The following DCLK1 variants were observed in gnomAD, a reference collection of about 807,000 sequenced individuals.
The protein encoded by DCLK1 is doublecortin like kinase 1.
In DCLK1, 16 loss-of-function variants were observed where a neutral mutation model predicts 86.2. The ratio of observed to expected loss-of-function variants is 0.19; its 90% CI spans 0.13 to 0.28. The LOEUF is 0.28. Ranked by LOEUF, DCLK1 falls within the 10% of genes least tolerant of loss-of-function variation. The pLI, the probability that DCLK1 is intolerant of heterozygous loss-of-function variation, is 1.00. For synonymous variants in DCLK1, 369 were observed against 370.5 expected, an observed-to-expected ratio of 1.00 and a Z score of 0.05; for missense variants, 590 against 940.2, an observed-to-expected ratio of 0.63 and a Z score of 4.87.
At chr13:35,944,764 T>C (rs1877272124) in intron 4 of DCLK1, among the ~76,000 whole-genome samples, 1 of 152,094 alleles carries the variant, frequency 6.6e-6, no homozygotes, top group African/African-American at 2.4e-5. Context: ...CTCAGCTAAG[T>C]AGTTTGAAGT....
At chr13:36,042,946 C>A (rs574852579) in intron 3 of DCLK1, among the ~76,000 whole-genome samples, 1 of 152,318 alleles carries the variant, frequency 6.6e-6, no homozygotes, top group Non-Finnish European at 1.5e-5. Context: ...CTTTCTTCTA[C>A]ATAAGCATAT....
chr13:35,921,476 T>C (rs1282445884), intron 4 of DCLK1, among the ~76,000 whole-genome samples: 1 of 152,134 alleles, frequency 6.6e-6, no homozygotes, highest in Non-Finnish European at 1.5e-5. Flanking sequence ...GAGAAGACTT[T>C]CCTAAAACCC....
chr13:35,769,507 A>G lies in DCLK1; in HGVS notation c.*5028T>C, dbSNP rs1281387789. The G allele has an allele frequency of 6.6e-6, 1 of 152,178 alleles. No homozygotes were observed. Among genetic ancestry groups the G allele is most frequent in the African/African-American group, 2.4e-5 (1 of 41,452 alleles). 9.4% of individuals were successfully genotyped at this position (152,178 alleles called of 1,614,324 possible). A position where few individuals can be genotyped will look rare whatever the true frequency, so the allele number is the denominator to read the frequency against. On this transcript the variant is annotated 3_prime_UTR_variant, in exon 17 of 17. Transcript: ENST00000360631. ...GAGGATATGACTATAACCTTGGACC[A>G]GTTTCAATTTCTTTTTATTTTTTCT...
intron 7 of DCLK1, among the ~76,000 whole-genome samples, chr13:35,837,921 C>T (rs1012516274): frequency 2.0e-5 from 3 of 151,878 alleles, no homozygotes; most frequent in Admixed American, 6.6e-5. Flanking sequence ...CAAAAATTAG[C>T]TGGGCATGGT....
rs568496774 is a variant in DCLK1, at chr13:36,110,932, G to T, written c.723+937C>A. On this transcript the variant is annotated intron_variant, in intron 3 of 16. Transcript: ENST00000360631. ...TGCAAGCTCCGCCTCCCGGGTTCACGCCATTCTCCTGCCTCAGCCCCCTGA... is the reference window on the plus strand; with the variant it reads ...TGCAAGCTCCGCCTCCCGGGTTCACTCCATTCTCCTGCCTCAGCCCCCTGA... 4.7e-5 allele frequency among the ~76,000 whole-genome samples: 7 copies of T among 148,332 alleles called. No homozygotes were observed. The East Asian group carries it at 1.2e-3, about 26-fold the overall frequency.
intron 3 of DCLK1, among the ~76,000 whole-genome samples, chr13:36,079,475 C>T (rs1884336766): frequency 1.3e-5 from 2 of 151,672 alleles, no homozygotes; most frequent in South Asian, 2.1e-4. Context: ...ATTTAAAATA[C>T]AAAAAAATTA....
intron 15 of DCLK1, among the ~76,000 whole-genome samples, chr13:35,796,858 C>T (rs963497735): frequency 6.6e-6 from 1 of 152,098 alleles, no homozygotes; most frequent in African/African-American, 2.4e-5. Flanking sequence ...AGTGGTGAGG[C>T]GGAAGGAGAA....
At chr13:35,798,673 C>T (rs923613929) in intron 15 of DCLK1, among the ~76,000 whole-genome samples, 1 of 152,134 alleles carries the variant, frequency 6.6e-6, no homozygotes, top group African/African-American at 2.4e-5. Flanking sequence ...AGAGCAAGGA[C>T]AGGATAAAAT....
At chr13:36,041,714 G>A (rs1882707214) in intron 3 of DCLK1, among the ~76,000 whole-genome samples, 1 of 152,114 alleles carries the variant, frequency 6.6e-6, no homozygotes, top group Non-Finnish European at 1.5e-5. Context: ...TTCCATGGCT[G>A]TGGAGTTTAT....
intron 4 of DCLK1, among the ~76,000 whole-genome samples, chr13:35,899,433 C>G (rs906140239): frequency 4.6e-5 from 7 of 150,928 alleles, no homozygotes; most frequent in African/African-American, 1.7e-4. Flanking sequence ...TTGTACTATA[C>G]AAGGGAGGCT....
intron 7 of DCLK1, among the ~76,000 whole-genome samples, chr13:35,838,362 C>T (rs1251271650): frequency 2.0e-5 from 3 of 152,162 alleles, no homozygotes; most frequent in Admixed American, 6.5e-5. Flanking sequence ...AAGCAGATTC[C>T]TTAACAGTGG....
chr13:35,917,995 G>C (rs1196391342), intron 4 of DCLK1, among the ~76,000 whole-genome samples: 1 of 152,106 alleles, frequency 6.6e-6, no homozygotes, highest in East Asian at 1.9e-4. Context: ...AACAAATAGA[G>C]ACCATGTCCA....
rs993499856 is a variant in DCLK1, at chr13:35,774,757, A to G, written c.2059-58T>C. Reference sequence around the variant, plus strand: ...TTAGGGCGAGGGAAATGGCAAAACAAACTCTTTCTAGAACTTTCTGAGGTC... The same window carrying G: ...TTAGGGCGAGGGAAATGGCAAAACAGACTCTTTCTAGAACTTTCTGAGGTC... On this transcript the variant is annotated intron_variant, in intron 16 of 16. Coordinates refer to ENST00000360631, the MANE Select transcript of DCLK1 (RefSeq NM_001330071.2). 3.2e-6 allele frequency: 5 copies of G among 1,550,418 alleles called. No homozygotes were observed. The Admixed American group carries it at 7.5e-5, about 23-fold the overall frequency.
intron 3 of DCLK1, among the ~76,000 whole-genome samples, chr13:36,006,404 C>T (rs1048981850): frequency 5.9e-5 from 9 of 152,216 alleles, no homozygotes; most frequent in Admixed American, 2.0e-4. Flanking sequence ...GCCACATCTA[C>T]GTGTGAAACT....
intron 3 of DCLK1, among the ~76,000 whole-genome samples, chr13:36,043,895 CA>C (rs1228293425): frequency 2.0e-5 from 3 of 152,282 alleles, no homozygotes; most frequent in African/African-American, 7.2e-5. Flanking sequence ...AAATGAGATA[CA>C]TTCCCCAAAA....
chr13:35,847,243 T>C (rs1402069514), intron 6 of DCLK1: 3 of 985,288 alleles, frequency 3.0e-6, no homozygotes, highest in South Asian at 9.4e-5. Flanking sequence ...TTTGAACCAT[T>C]TGCCATACCA....
At chr13:35,881,927 A>G (rs1457666577) in intron 4 of DCLK1, among the ~76,000 whole-genome samples, 2 of 152,180 alleles carry the variant, frequency 1.3e-5, no homozygotes, top group Admixed American at 6.5e-5. Context: ...CTGGGCCTAC[A>G]CTCATTGGAT....
chr13:35,971,271 C>A lies in DCLK1; in HGVS notation c.724-23814G>T, dbSNP rs146784104. ...TTGATTGGCTTCAATGTAACTGAAG[C>A]ACTGAAAAAGAAGAAAAGAATTAAA... On this transcript the variant is annotated intron_variant, in intron 3 of 16. Transcript: ENST00000360631. 2.4e-3 allele frequency among the ~76,000 whole-genome samples: 361 copies of A among 152,238 alleles called. 4 individuals are homozygous for A. Among genetic ancestry groups the A allele is most frequent in the African/African-American group, 8.4e-3 (348 of 41,520 alleles).
rs537961141 is a variant in DCLK1, at chr13:35,830,154, G to C, written c.1230-1847C>G. On this transcript the variant is annotated intron_variant, in intron 8 of 16. Transcript: ENST00000360631. ...TAATCCCAGCACTTTGGGAGGCCAA[G>C]GTGGGCGGATCACTTGAGGTCAGGA... Among the ~76,000 whole-genome samples the C allele has an allele frequency of 5.3e-5, 8 of 152,278 alleles. No homozygotes were observed. The East Asian group carries it at 1.5e-3, about 29-fold the overall frequency.
Sources: gnomAD v4.1 joint callset for allele counts (sites outside exome capture counted in the v4.1 genomes callset) on GRCh38, gnomAD v4.1.1 for gene constraint, MANE v1.5 for transcripts, NCBI Gene and HGNC (gene_info 2026-07-23, HGNC 2026-07-21) for gene names.